Variants in CPT1A observed in about 807,000 individuals in gnomAD.
CPT1A encodes carnitine O-palmitoyltransferase 1, liver isoform.
A neutral mutation model predicts 100.8 loss-of-function variants in CPT1A; 64 were observed. The observed-to-expected ratio is 0.63, with a 90% CI of 0.52 to 0.78. The LOEUF is 0.78. Among genes scored for constraint, CPT1A ranks in the 30% least tolerant of loss-of-function variants. The pLI is 0.00. For synonymous variants in CPT1A, 363 were observed against 396.0 expected (o/e 0.92, Z 0.99); for missense variants, 802 against 1,034.1 (o/e 0.78, Z 3.08).
At chr11:68,832,920 C>A (rs1856915577) in intron 1 of CPT1A, among the ~76,000 whole-genome samples, 1 of 152,204 alleles carries the variant, frequency 6.6e-6, no homozygotes, top group South Asian at 2.1e-4. Flanking sequence ...GGGCCTCATC[C>A]CTGGAAAAAC....
chr11:68,790,441 A>G (rs1425785906), intron 9 of CPT1A, among the ~76,000 whole-genome samples: 1 of 152,156 alleles, frequency 6.6e-6, no homozygotes, highest in Non-Finnish European at 1.5e-5. Context: ...TGGACCCCAA[A>G]TCCAATGACT....
At position 68,841,079 on chromosome 11, in the gene CPT1A, C is replaced by T. The variant is rs1264682135; in HGVS notation, c.-14+696G>A. 6.6e-6 allele frequency among the ~76,000 whole-genome samples: 1 copy of T among 152,252 alleles called. No individual in the cohort carries two copies. Among genetic ancestry groups the T allele is most frequent in the East Asian group, 1.9e-4 (1 of 5,198 alleles). On this transcript the variant is annotated intron_variant, in intron 1 of 18. Transcript: ENST00000265641. The surrounding 1 kb of genome is among the most constrained non-coding windows in gnomAD (Gnocchi z 6.3). ...CTGCGCCAAGGGCGTGTCCCGACGGCTGCACCGCGAGGGCGGGCATGGGGA... is the reference window on the plus strand; with the variant it reads ...CTGCGCCAAGGGCGTGTCCCGACGGTTGCACCGCGAGGGCGGGCATGGGGA...
In CPT1A at chr11:68,799,315, A is replaced by T; in HGVS notation, c.596T>A (p.Phe199Tyr). Residue 199 changes from phenylalanine (F) to tyrosine (Y), a missense_variant, in exon 6 of 19, where the codon TTC becomes TAC. Physicochemically the swap from Phe to Tyr is conservative, Grantham distance 22. This residue lies in a region of CPT1A where 627 missense variants were observed against 799.3 expected (regional missense o/e 0.78). Transcript: ENST00000265641. Reference sequence around the variant, plus strand: ...TTGAGCAAGTGCTGTCATCCGTTTGAAGTCTTCTTCCTTCATAAGAGGCCT... The same window carrying T: ...TTGAGCAAGTGCTGTCATCCGTTTGTAGTCTTCTTCCTTCATAAGAGGCCT... ...SVRPLMKEED[F>Y]KRMTALAQDF... The T allele has an allele frequency of 5.0e-6, 8 of 1,614,058 alleles. No individual in the cohort carries two copies. Among genetic ancestry groups the T allele is most frequent in the Non-Finnish European group, 6.8e-6 (8 of 1,179,940 alleles).
intron 5 of CPT1A, among the ~76,000 whole-genome samples, chr11:68,801,106 C>T (rs1172466505): frequency 1.3e-5 from 2 of 151,852 alleles, no homozygotes; most frequent in Non-Finnish European, 2.9e-5. Flanking sequence ...GAGACTCTGT[C>T]TCCAAAAAAA....
Position 68,838,571 on chromosome 11 carries a change from T to TAAAAAAAAAAACAAAA in CPT1A, c.-14+3203_-14+3204insTTTTGTTTTTTTTTTT, listed in dbSNP as rs1177976460. ...GACTCTACTCTGTATCTGCACCTTT[T>TAAAAAAAAAAACAAAA]TAAAAAAAAAAAAAAAAAAACAGAG... On this transcript the variant is annotated intron_variant, in intron 1 of 18. Transcript: ENST00000265641. Among the ~76,000 whole-genome samples, 7 of 74,236 alleles carry TAAAAAAAAAAACAAAA rather than the reference T, an allele frequency of 9.4e-5. 1 individual carries two copies. The South Asian group carries it at 2.8e-3, about 30-fold the overall frequency. 48.7% of individuals were successfully genotyped at this position (74,236 alleles called of 152,430 possible). A position where few individuals can be genotyped will look rare whatever the true frequency, so the allele number is the denominator to read the frequency against.
rs1231991343 is a variant in CPT1A, at chr11:68,841,304, G to A, written c.-14+471C>T. Among the ~76,000 whole-genome samples, 2 of 151,728 alleles carry A rather than the reference G, an allele frequency of 1.3e-5. No homozygotes were observed. Among genetic ancestry groups the A allele is most frequent in the African/African-American group, 2.4e-5 (1 of 41,316 alleles). On this transcript the variant is annotated intron_variant, in intron 1 of 18. Transcript: ENST00000265641. This position sits in a 1 kb window ranked among gnomAD's most constrained non-coding sequence, Gnocchi z 6.3. ...GGAGGCCCTACTGGCCCCGGGCGAAGGCATCCTGGAAAGCATCCAGAGCGT... is the reference window on the plus strand; with the variant it reads ...GGAGGCCCTACTGGCCCCGGGCGAAAGCATCCTGGAAAGCATCCAGAGCGT...
chr11:68,793,382 C>A lies in CPT1A; in HGVS notation c.900G>T (p.Thr300=), dbSNP rs1273814063. 5 of 1,611,168 alleles carry A rather than the reference C, an allele frequency of 3.1e-6. No homozygotes were observed. In the Admixed American group the frequency reaches 8.4e-5, roughly 27 times the overall value. Residue 300 remains threonine (T), a synonymous_variant, in exon 9 of 19, where the codon ACG becomes ACT. Coordinates refer to ENST00000265641, the MANE Select transcript of CPT1A (RefSeq NM_001876.4). ...EIKPIRLLGS[T]IPLCSAQWER... Reference sequence around the variant, plus strand: ...CCCACTGAGCGGAGCAGAGTGGAATCGTGGATCCCAAAAGACGAATCTGTA... The same window carrying A: ...CCCACTGAGCGGAGCAGAGTGGAATAGTGGATCCCAAAAGACGAATCTGTA...
chr11:68,779,699 G>T (rs2153997661), intron 12 of CPT1A, among the ~76,000 whole-genome samples: 1 of 151,708 alleles, frequency 6.6e-6, no homozygotes, highest in South Asian at 2.1e-4. Context: ...GGGAGGCTGG[G>T]GTGGGAGAAT....
At chr11:68,792,678 G>A (rs1050164548) in intron 9 of CPT1A, among the ~76,000 whole-genome samples, 2 of 152,196 alleles carry the variant, frequency 1.3e-5, no homozygotes, top group African/African-American at 2.4e-5. Context: ...CCACCTTTCC[G>A]AGCACGACCC....
intron 10 of CPT1A, among the ~76,000 whole-genome samples, chr11:68,784,361 G>A (rs1158624463): frequency 4.6e-5 from 7 of 152,164 alleles, no homozygotes; most frequent in Non-Finnish European, 8.8e-5. Flanking sequence ...AGGAGTTTGA[G>A]ACCAGCCTGG....
intron 9 of CPT1A, among the ~76,000 whole-genome samples, chr11:68,792,900 T>C (rs1330612055): frequency 6.6e-6 from 1 of 152,020 alleles, no homozygotes; most frequent in African/African-American, 2.4e-5. Context: ...AATGCAAAAA[T>C]TAGCCAGGCA....
chr11:68,839,724 T>G, intron 1 of CPT1A: 10 of 985,368 alleles, frequency 1.0e-5, no homozygotes, highest in Non-Finnish European at 1.2e-5. Flanking sequence ...AAACTGACGG[T>G]GTTTTTATGA....
chr11:68,778,487 G>A (rs1408189354), intron 12 of CPT1A, among the ~76,000 whole-genome samples: 2 of 152,144 alleles, frequency 1.3e-5, no homozygotes, highest in African/African-American at 4.8e-5. Context: ...CATAATCCCA[G>A]CACTTTGAGA....
At chr11:68,803,161 TG>T (rs1855951418) in intron 5 of CPT1A, among the ~76,000 whole-genome samples, 1 of 152,148 alleles carries the variant, frequency 6.6e-6, no homozygotes, top group Non-Finnish European at 1.5e-5. Flanking sequence ...AGCCATGCAA[TG>T]GAATACTATT....
At chr11:68,804,178 G>A in intron 4 of CPT1A, 77 bp from the exon 5 acceptor site, 1 of 1,099,112 alleles carries the variant, frequency 9.1e-7, no homozygotes, top group Non-Finnish European at 1.4e-6. Flanking sequence ...ATCTCGTGAA[G>A]CTAAGCAGGG....
chr11:68,796,579 C>G (rs1473045607), intron 7 of CPT1A, among the ~76,000 whole-genome samples: 4 of 152,114 alleles, frequency 2.6e-5, no homozygotes, highest in African/African-American at 7.2e-5. Context: ...AACAAAAAAA[C>G]AGCAGGACAG....
chr11:68,830,687 C>T (rs913591504), intron 1 of CPT1A, among the ~76,000 whole-genome samples: 1 of 152,226 alleles, frequency 6.6e-6, no homozygotes, highest in African/African-American at 2.4e-5. Flanking sequence ...CCAGCCTTGA[C>T]CTATGCCACT....
intron 9 of CPT1A, among the ~76,000 whole-genome samples, chr11:68,785,322 T>A (rs1855427756): frequency 6.6e-6 from 1 of 151,790 alleles, no homozygotes; most frequent in African/African-American, 2.4e-5. Context: ...CCCAGCACAT[T>A]GGGTGAGGTG....
chr11:68,833,012 C>T (rs1856917556), intron 1 of CPT1A, among the ~76,000 whole-genome samples: 1 of 152,232 alleles, frequency 6.6e-6, no homozygotes, highest in Non-Finnish European at 1.5e-5. Context: ...ACAACACATT[C>T]TTGGATGCCC....
Sources: gnomAD v4.1 joint callset for allele counts (sites outside exome capture counted in the v4.1 genomes callset) on GRCh38, gnomAD v4.1.1 for gene constraint, gnomAD v4.1.1 regional missense constraint, Gnocchi (gnomAD v3.1) non-coding constraint, MANE v1.5 for transcripts, NCBI Gene and HGNC (gene_info 2026-07-23, HGNC 2026-07-21) for gene names.